TMEM214: variants seen among roughly 807,000 people sequenced by gnomAD.
TMEM214 encodes transmembrane protein 214.
A neutral mutation model predicts 89.8 loss-of-function variants in TMEM214; 71 were observed. The observed-to-expected ratio is 0.79, with a 90% CI of 0.65 to 0.96. TMEM214 has a LOEUF of 0.96. Ranked by LOEUF, TMEM214 falls within the 40% of genes least tolerant of loss-of-function variation. The pLI is 0.00. For synonymous variants in TMEM214, 332 were observed against 349.5 expected (o/e 0.95, Z 0.56); for missense variants, 754 against 843.4 (o/e 0.89, Z 1.31).
At chr2:27,037,531 A>G in intron 8 of TMEM214, 30 bp from the exon 9 acceptor site, 1 of 1,614,044 alleles carries the variant, frequency 6.2e-7, no homozygotes, top group African/African-American at 1.3e-5. Context: ...CTTATAGCTT[A>G]TGCCTGTCTT....
At position 27,038,578 on chromosome 2, in the gene TMEM214, T is replaced by G; in HGVS notation, c.1293+46T>G. On this transcript the variant is annotated intron_variant, in intron 11 of 16. Coordinates refer to ENST00000238788, the MANE Select transcript of TMEM214 (RefSeq NM_017727.5). This position sits in a 1 kb window ranked among gnomAD's most constrained non-coding sequence, Gnocchi z 4.4. ...GGCAGGTTGAGCCCTGTCTGGATTCTAGGTTCTGAGTGGGGGCTCCTCAGC... is the reference window on the plus strand; with the variant it reads ...GGCAGGTTGAGCCCTGTCTGGATTCGAGGTTCTGAGTGGGGGCTCCTCAGC... 1 of 1,613,078 alleles carries G rather than the reference T, an allele frequency of 6.2e-7. No homozygotes were observed. The highest frequency in any genetic ancestry group is 1.1e-5 in the South Asian group (1 of 91,050).
In TMEM214 at chr2:27,039,007, C is replaced by T. The variant is rs1287841683; in HGVS notation, c.1408-40C>T. 7 of 1,601,628 alleles carry T rather than the reference C, an allele frequency of 4.4e-6. No homozygotes were observed. The East Asian group carries it at 6.7e-5, about 15-fold the overall frequency. On this transcript the variant is annotated intron_variant, in intron 12 of 16. Transcript: ENST00000238788. Reference sequence around the variant, plus strand: ...CTGCCCTCAGAGGCAAAGACCAGCCCCTCGCTTCTGACAACTGTCTCCTGC... The same window carrying T: ...CTGCCCTCAGAGGCAAAGACCAGCCTCTCGCTTCTGACAACTGTCTCCTGC...
chr2:27,040,052 C>T lies in TMEM214; in HGVS notation c.1645C>T (p.Leu549Phe). The T allele has an allele frequency of 1.2e-6, 2 of 1,607,022 alleles. No individual in the cohort carries two copies. The highest frequency in any genetic ancestry group is 1.7e-6 in the Non-Finnish European group (2 of 1,179,738). ...GYSWLGETLP[L>F]WGSHLLTVVR... Reference sequence around the variant, plus strand: ...CAGCTGGCTGGGGGAGACACTGCCGCTCTGGGGCTCCCACCTGCTCACCGT... The same window carrying T: ...CAGCTGGCTGGGGGAGACACTGCCGTTCTGGGGCTCCCACCTGCTCACCGT... Residue 549 changes from leucine to phenylalanine, a missense_variant, in exon 15 of 17, where the codon CTC becomes TTC. Transcript: ENST00000238788.
At chr2:27,033,801 C>G (rs1025785586) in intron 1 of TMEM214, among the ~76,000 whole-genome samples, 5 of 152,074 alleles carry the variant, frequency 3.3e-5, no homozygotes, top group African/African-American at 1.2e-4. Context: ...TATCCAACCT[C>G]TCTGCTTGTT....
intron 5 of TMEM214, 56 bp from the exon 6 acceptor site, chr2:27,036,431 G>A: frequency 7.1e-7 from 1 of 1,417,414 alleles, no homozygotes; most frequent in Admixed American, 1.7e-5. Context: ...TGGCTTTGGG[G>A]GGTGCTCCTG....
chr2:27,039,589 C>A, intron 13 of TMEM214, 152 bp from the exon 14 acceptor site: 1 of 718,080 alleles, frequency 1.4e-6, no homozygotes, highest in Non-Finnish European at 2.5e-6. Context: ...GCATGCCTCC[C>A]TCCACAGCAG....
In TMEM214 at chr2:27,034,174, G is replaced by A; in HGVS notation, c.259G>A (p.Gly87Arg). 6.2e-7 allele frequency: 1 copy of A among 1,614,172 alleles called. No individual in the cohort carries two copies. Among genetic ancestry groups the A allele is most frequent in the East Asian group, 2.2e-5 (1 of 44,884 alleles). The change falls in exon 2 of 17, where the codon GGG becomes AGG. Residue 87 changes from glycine to arginine, a missense_variant. Gly to Arg is a moderately radical substitution (Grantham distance 125). Coordinates refer to ENST00000238788, the MANE Select transcript of TMEM214 (RefSeq NM_017727.5). The part of the protein sequence containing the change: ...PPPAVEPKKP[G>R]NKKQPKKVAT... ...CCCTGCTGTGGAACCTAAGAAACCAGGGAACAAGAAGCAGCCAAAGAAGGT... is the reference window on the plus strand; with the variant it reads ...CCCTGCTGTGGAACCTAAGAAACCAAGGAACAAGAAGCAGCCAAAGAAGGT...
chr2:27,035,099 C>T lies in TMEM214; in HGVS notation c.352-36C>T, dbSNP rs543186273. ...TTTCTTTACTCCCTCACTCACAACTCGCCATGGTGGGGGGTTGGGGGATTG... is the reference window on the plus strand; with the variant it reads ...TTTCTTTACTCCCTCACTCACAACTTGCCATGGTGGGGGGTTGGGGGATTG... On this transcript the variant is annotated intron_variant, in intron 2 of 16. Coordinates refer to ENST00000238788, the MANE Select transcript of TMEM214 (RefSeq NM_017727.5). The T allele has an allele frequency of 1.2e-5, 20 of 1,610,830 alleles. No individual in the cohort carries two copies. In the African/African-American group the frequency reaches 1.3e-4, roughly 11 times the overall value.
chr2:27,040,210 A>G lies in TMEM214; in HGVS notation c.1791+12A>G. 2 of 1,605,296 alleles carry G rather than the reference A, an allele frequency of 1.2e-6. No individual in the cohort carries two copies. The highest frequency in any genetic ancestry group is 1.7e-6 in the Non-Finnish European group (2 of 1,179,496). ...GTCTCTCTCAGAGGGTAAGTCAGAGACAGGGAGTCAAATAAGGGGCTGGTT... is the reference window on the plus strand; with the variant it reads ...GTCTCTCTCAGAGGGTAAGTCAGAGGCAGGGAGTCAAATAAGGGGCTGGTT... On this transcript the variant is annotated intron_variant, in intron 15 of 16. Transcript: ENST00000238788.
intron 1 of TMEM214, among the ~76,000 whole-genome samples, chr2:27,033,799 C>A (rs145525567): frequency 6.6e-6 from 1 of 152,170 alleles, no homozygotes; most frequent in East Asian, 1.9e-4. Context: ...TATATCCAAC[C>A]TCTCTGCTTG....
Position 27,036,618 on chromosome 2 carries a change from G to A in TMEM214, c.826+26G>A, listed in dbSNP as rs368513364. 8.1e-6 allele frequency: 13 copies of A among 1,613,540 alleles called. No homozygotes were observed. In the African/African-American group the frequency reaches 1.6e-4, roughly 20 times the overall value. On this transcript the variant is annotated intron_variant, in intron 6 of 16. Transcript: ENST00000238788. ...GTAACAGGGAAATAGGGAAGAAAGA[G>A]GGAGGGTCTCGGAGCTGGAAAACTC...
chr2:27,039,747 T>G lies in TMEM214; in HGVS notation c.1532T>G (p.Leu511Arg), dbSNP rs750056899. ...LRSHSSFQAS[L>R]TGRLLRSSGF... ...AGAGGCCCCCTTTACTTAGCCTCCCTTACTGGCCGGTTGCTTCGATCATCT... is the reference window on the plus strand; with the variant it reads ...AGAGGCCCCCTTTACTTAGCCTCCCGTACTGGCCGGTTGCTTCGATCATCT... Residue 511 changes from leucine (L) to arginine (R), a missense_variant, in exon 14 of 17, where the codon CTT (leucine) becomes CGT (arginine). Coordinates refer to ENST00000238788, the MANE Select transcript of TMEM214 (RefSeq NM_017727.5). 3 of 1,614,084 alleles carry G rather than the reference T, an allele frequency of 1.9e-6. No individual in the cohort carries two copies. The highest frequency in any genetic ancestry group is 2.5e-6 in the Non-Finnish European group (3 of 1,180,026).
chr2:27,040,604 C>A, intron 16 of TMEM214, 107 bp from the exon 17 acceptor site: 1 of 1,584,276 alleles, frequency 6.3e-7, no homozygotes. Context: ...CCCCTCGCTC[C>A]CATTCCTGGC....
chr2:27,036,190 T>C, intron 5 of TMEM214, 138 bp downstream of exon 5: 1 of 751,124 alleles, frequency 1.3e-6, no homozygotes, highest in Non-Finnish European at 2.3e-6. Context: ...TTAGCACCTA[T>C]CCTGTGTGTG....
chr2:27,040,262 G>A (rs921742727), intron 15 of TMEM214, 64 bp downstream of exon 15: 5 of 1,607,018 alleles, frequency 3.1e-6, no homozygotes, highest in Non-Finnish European at 4.2e-6. Context: ...TCTGGGAAAG[G>A]AGCAGCACTG....
chr2:27,037,157 C>T lies in TMEM214; in HGVS notation c.989C>T (p.Pro330Leu), dbSNP rs750614983. 9.9e-6 allele frequency: 16 copies of T among 1,613,736 alleles called. No homozygotes were observed. The highest frequency in any genetic ancestry group is 8.9e-5 in the East Asian group (4 of 44,886). Residue 330 changes from proline (P) to leucine (L), a missense_variant, in exon 8 of 17, where the codon CCG becomes CTG. Pro to Leu is a moderately conservative substitution (Grantham distance 98). Coordinates refer to ENST00000238788, the MANE Select transcript of TMEM214 (RefSeq NM_017727.5). ...CCACTTCTGGACTTTGCCTATATGCCGAACAACTCCCTGACACCCAGGTAG... is the reference window on the plus strand; with the variant it reads ...CCACTTCTGGACTTTGCCTATATGCTGAACAACTCCCTGACACCCAGGTAG... ...FFPLLDFAYM[P>L]NNSLTPSLQE...
At position 27,038,854 on chromosome 2, in the gene TMEM214, T is replaced by G. The variant is rs934247544; in HGVS notation, c.1407+39T>G. 2 of 1,572,956 alleles carry G rather than the reference T, an allele frequency of 1.3e-6. No individual in the cohort carries two copies. Among genetic ancestry groups the G allele is most frequent in the Admixed American group, 3.4e-5 (2 of 59,084 alleles). ...GTCCTCTCCAGCCCACACGCTATCT[T>G]ACATCTCTGTCTCAGCACACCTGGG... is the stretch of plus-strand genomic sequence containing the variant. On this transcript the variant is annotated intron_variant, in intron 12 of 16. Transcript: ENST00000238788. The surrounding 1 kb of genome is among the most constrained non-coding windows in gnomAD (Gnocchi z 4.4).
rs1447549656 is a variant in TMEM214, at chr2:27,038,862, T to C, written c.1407+47T>C. ...CAGCCCACACGCTATCTTACATCTC[T>C]GTCTCAGCACACCTGGGTTGGGCCT... is the stretch of plus-strand genomic sequence containing the variant. On this transcript the variant is annotated intron_variant, in intron 12 of 16. Coordinates refer to ENST00000238788, the MANE Select transcript of TMEM214 (RefSeq NM_017727.5). This position sits in a 1 kb window ranked among gnomAD's most constrained non-coding sequence, Gnocchi z 4.4. 5.3e-6 allele frequency: 8 copies of C among 1,517,178 alleles called. No homozygotes were observed. In the African/African-American group the frequency reaches 9.6e-5, roughly 18 times the overall value. 94.0% of individuals were successfully genotyped at this position (1,517,178 alleles called of 1,614,324 possible). A position where few individuals can be genotyped will look rare whatever the true frequency, so the allele number is the denominator to read the frequency against.
chr2:27,037,413 A>C, intron 8 of TMEM214, 148 bp from the exon 9 acceptor site: 1 of 1,030,380 alleles, frequency 9.7e-7, no homozygotes, highest in East Asian at 2.4e-5. Flanking sequence ...ATTTCCAAGG[A>C]GTCTCTGAGT....
Sources: allele counts gnomAD v4.1 joint callset (sites outside exome capture counted in the v4.1 genomes callset), GRCh38; gene constraint gnomAD v4.1.1; non-coding constraint Gnocchi (gnomAD v3.1); transcripts MANE v1.5; gene names NCBI Gene and HGNC (gene_info 2026-07-23, HGNC 2026-07-21).